Variants in STK32B observed in about 807,000 individuals in gnomAD.
STK32B encodes serine/threonine kinase 32B, also known as serine/threonine-protein kinase 32B.
Under a neutral mutation model 52.6 loss-of-function variants are expected in STK32B, and 43 were observed. That is an observed-to-expected ratio of 0.82 (90% CI 0.64 to 1.05). The LOEUF is 1.05. Among genes scored for constraint, STK32B ranks in the 50% least tolerant of loss-of-function variants. The probability of loss-of-function intolerance (pLI) is 0.00; values close to 1 mark genes in which losing one functional copy is unlikely to be tolerated. For missense variants in STK32B, 621 were observed against 534.6 expected (o/e 1.16, Z -1.59); for synonymous variants, 238 against 204.3 (o/e 1.17, Z -1.41).
At chr4:5,267,352 T>G (rs1727121109) in intron 3 of STK32B, among the ~76,000 whole-genome samples, 1 of 152,214 alleles carries the variant, frequency 6.6e-6, no homozygotes, top group Admixed American at 6.5e-5. Flanking sequence ...GTCTGTGACC[T>G]TGATGCTTTT....
intron 4 of STK32B, among the ~76,000 whole-genome samples, chr4:5,354,332 C>G (rs1371908652): frequency 3.3e-5 from 5 of 152,236 alleles, no homozygotes; most frequent in African/African-American, 1.2e-4. Flanking sequence ...GTGGCGCCAT[C>G]TCAGCTCCCT....
At chr4:5,261,621 G>T (rs982531944) in intron 3 of STK32B, among the ~76,000 whole-genome samples, 22 of 152,192 alleles carry the variant, frequency 1.4e-4, no homozygotes, top group African/African-American at 5.1e-4. Context: ...TTACACAGTA[G>T]TAAGGAACTG....
intron 3 of STK32B, among the ~76,000 whole-genome samples, chr4:5,328,738 A>G (rs1048240011): frequency 6.6e-6 from 1 of 152,244 alleles, no homozygotes; most frequent in Admixed American, 6.5e-5. Flanking sequence ...GAAAATTGAC[A>G]CTGATAGACT....
chr4:5,148,273 G>T (rs970986625), intron 2 of STK32B, among the ~76,000 whole-genome samples: 10 of 151,578 alleles, frequency 6.6e-5, no homozygotes, highest in Non-Finnish European at 7.4e-5. Context: ...TTAGCAGTTT[G>T]CCTTCTTTCT....
chr4:5,244,091 C>T (rs1725253651), intron 3 of STK32B, among the ~76,000 whole-genome samples: 1 of 152,108 alleles, frequency 6.6e-6, no homozygotes, highest in African/African-American at 2.4e-5. Flanking sequence ...ATGCTGGCCT[C>T]ATAAAATGAG....
In STK32B at chr4:5,499,272, C is replaced by G; in HGVS notation, c.*189C>G. Reference sequence around the variant, plus strand: ...TGACTGATTCACGTGTGACCTCAGACAAGTCACGCCCTCTCTGTGCCTCCG... The same window carrying G: ...TGACTGATTCACGTGTGACCTCAGAGAAGTCACGCCCTCTCTGTGCCTCCG... On this transcript the variant is annotated 3_prime_UTR_variant, in exon 12 of 12. Coordinates refer to ENST00000282908, the MANE Select transcript of STK32B (RefSeq NM_018401.3). 4.5e-6 allele frequency: 3 copies of G among 673,124 alleles called. No individual in the cohort carries two copies. The Admixed American group carries it at 1.2e-4, about 27-fold the overall frequency. 41.7% of individuals were successfully genotyped at this position (673,124 alleles called of 1,614,324 possible). A position where few individuals can be genotyped will look rare whatever the true frequency, so the allele number is the denominator to read the frequency against.
intron 3 of STK32B, among the ~76,000 whole-genome samples, chr4:5,176,354 C>T (rs1274161996): frequency 6.6e-6 from 1 of 151,840 alleles, no homozygotes; most frequent in Admixed American, 6.6e-5. Flanking sequence ...CCCGGTACCT[C>T]AGTTCGAAAT....
At chr4:5,045,461 C>T in the STK32B span, among the ~76,000 whole-genome samples, 8 of 152,150 alleles carry the variant, frequency 5.3e-5, no homozygotes, top group South Asian at 2.1e-4. Flanking sequence ...AGTCCAGAGG[C>T]GGTTTGATAG....
intron 1 of STK32B, among the ~76,000 whole-genome samples, chr4:5,108,719 T>C (rs1028730852): frequency 6.6e-6 from 1 of 152,220 alleles, no homozygotes; most frequent in Non-Finnish European, 1.5e-5. Flanking sequence ...CAAGTTCATG[T>C]GGCATTCCAC....
intron 3 of STK32B, among the ~76,000 whole-genome samples, chr4:5,186,321 A>G (rs1426604202): frequency 1.3e-5 from 2 of 152,154 alleles, no homozygotes; most frequent in Non-Finnish European, 2.9e-5. Flanking sequence ...GGGCCGCTTG[A>G]GGAAGGGGAC....
intron 1 of STK32B, among the ~76,000 whole-genome samples, chr4:5,119,543 C>T (rs745689985): frequency 6.6e-6 from 1 of 152,222 alleles, no homozygotes; most frequent in African/African-American, 2.4e-5. Flanking sequence ...TTTTTCCTCT[C>T]AAATATTGTC....
intron 3 of STK32B, among the ~76,000 whole-genome samples, chr4:5,314,648 T>A (rs762905338): frequency 2.6e-5 from 4 of 151,866 alleles, no homozygotes; most frequent in Admixed American, 1.3e-4. Flanking sequence ...CCAGCCTGGG[T>A]GATAAGAGCA....
chr4:5,359,011 G>C (rs921118223), intron 4 of STK32B, among the ~76,000 whole-genome samples: 1 of 152,180 alleles, frequency 6.6e-6, no homozygotes, highest in African/African-American at 2.4e-5. Flanking sequence ...ACACAGGAAA[G>C]GGGTTGGCAG....
chr4:5,497,305 C>T (rs1720354357), intron 11 of STK32B, among the ~76,000 whole-genome samples: 1 of 152,144 alleles, frequency 6.6e-6, no homozygotes, highest in African/African-American at 2.4e-5. Flanking sequence ...GTGCTGAATG[C>T]AAAAAGTCCA....
intron 3 of STK32B, among the ~76,000 whole-genome samples, chr4:5,262,117 G>A (rs180827653): frequency 1.2e-3 from 178 of 151,980 alleles, no homozygotes; most frequent in Non-Finnish European, 2.4e-3. Flanking sequence ...CCCCATGTTT[G>A]TCCACTCTCT....
At chr4:5,317,422 A>AT (rs1577339734) in intron 3 of STK32B, among the ~76,000 whole-genome samples, 1 of 28,028 alleles carries the variant, frequency 3.6e-5, no homozygotes, top group African/African-American at 3.0e-4. Context: ...TATTATATAT[A>AT]ATACATATAT....
At chr4:5,213,879 CAATTA>C (rs758578971) in intron 3 of STK32B, among the ~76,000 whole-genome samples, 2 of 152,076 alleles carry the variant, frequency 1.3e-5, no homozygotes, top group East Asian at 1.9e-4. Context: ...ATTAAATTAC[CAATTA>C]AATTAAAGGT....
chr4:5,408,143 G>A (rs79635744), intron 5 of STK32B, among the ~76,000 whole-genome samples: 2,852 of 152,168 alleles, frequency 0.019, 96 homozygotes, highest in African/African-American at 0.064. Context: ...CAGCCCAAAC[G>A]GACTGAGATG....
Position 5,498,952 on chromosome 4 carries a change from A to G in STK32B, c.1114A>G (p.Arg372Gly). Residue 372 changes from arginine to glycine, a missense_variant, in exon 12 of 12, where the codon AGG (arginine) becomes GGG (glycine). Arg to Gly is a moderately radical substitution (Grantham distance 125). Coordinates refer to ENST00000282908, the MANE Select transcript of STK32B (RefSeq NM_018401.3). ...ATCTGTGCTTGTTTGCAGGCTCAGG[A>G]GGCAGCAGGGACAGGGCAGCCAGCT... ...FIIFNREKLR[R>G]QQGQGSQLLD... 6.2e-7 allele frequency: 1 copy of G among 1,611,970 alleles called. No individual in the cohort carries two copies. The highest frequency in any genetic ancestry group is 8.5e-7 in the Non-Finnish European group (1 of 1,178,826).
Sources: allele counts gnomAD v4.1 joint callset (sites outside exome capture counted in the v4.1 genomes callset), GRCh38; gene constraint gnomAD v4.1.1; transcripts MANE v1.5; gene names NCBI Gene and HGNC (gene_info 2026-07-23, HGNC 2026-07-21).